Variants in ERAP2 observed in about 807,000 individuals in gnomAD.
ERAP2 encodes endoplasmic reticulum aminopeptidase 2.
ERAP2 carries 118 observed loss-of-function variants against 111.1 expected under a neutral mutation model. The ratio of observed to expected loss-of-function variants is 1.06; its 90% confidence interval spans 0.92 to 1.24. The LOEUF is 1.24. Among genes scored for constraint, ERAP2 ranks in the 50% most tolerant of loss-of-function variants. The pLI is 0.00. For synonymous variants in ERAP2, 410 were observed against 401.2 expected (o/e 1.02, Z -0.26); for missense variants, 1,131 against 1,125.8 (o/e 1.00, Z -0.07).
At chr5:96,907,633 G>T (rs1786241820) in intron 13 of ERAP2, among the ~76,000 whole-genome samples, 1 of 151,408 alleles carries the variant, frequency 6.6e-6, no homozygotes, top group Non-Finnish European at 1.5e-5. Context: ...TGTAATCCCA[G>T]CATTTTGGGA....
intron 1 of ERAP2, among the ~76,000 whole-genome samples, chr5:96,878,024 G>C (rs551654462): frequency 7.2e-4 from 110 of 152,324 alleles, no homozygotes; most frequent in African/African-American, 2.5e-3. Flanking sequence ...AGTTGGAGCA[G>C]TAAGGAAGTA....
At chr5:96,905,607 G>T (rs190915058) in intron 13 of ERAP2, among the ~76,000 whole-genome samples, 4 of 152,166 alleles carry the variant, frequency 2.6e-5, no homozygotes, top group African/African-American at 7.2e-5. Flanking sequence ...AAGGAGGCCC[G>T]GCACAGTGGC....
Position 96,918,400 on chromosome 5 carries a change from G to A in ERAP2, c.*795G>A, listed in dbSNP as rs1350482745. 1 of 151,264 alleles carries A rather than the reference G, an allele frequency of 6.6e-6. No homozygotes were observed. The highest frequency in any genetic ancestry group is 1.9e-4 in the East Asian group (1 of 5,202). 9.4% of individuals were successfully genotyped at this position (151,264 alleles called of 1,614,324 possible). On this transcript the variant is annotated 3_prime_UTR_variant, in exon 19 of 19. Transcript: ENST00000437043. ...ATGAAAGGCAAGGATCAGGAAACCA[G>A]AGACTTTGCCACCAAATCTCAGATT... is the stretch of plus-strand genomic sequence containing the variant.
At chr5:96,899,792 T>G (rs1251173004) in intron 9 of ERAP2, among the ~76,000 whole-genome samples, 1 of 152,122 alleles carries the variant, frequency 6.6e-6, no homozygotes, top group Non-Finnish European at 1.5e-5. Context: ...CAGCATGAAA[T>G]AATAAAATAG....
At chr5:96,896,212 C>T (rs1443800665) in intron 7 of ERAP2, among the ~76,000 whole-genome samples, 161 bp from the exon 8 acceptor site, 1 of 151,778 alleles carries the variant, frequency 6.6e-6, no homozygotes, top group African/African-American at 2.4e-5. Flanking sequence ...AGATGTATTC[C>T]CCTTTGGCCA....
intron 1 of ERAP2, among the ~76,000 whole-genome samples, chr5:96,877,315 C>G (rs1229128301): frequency 6.6e-6 from 1 of 152,134 alleles, no homozygotes; most frequent in Non-Finnish European, 1.5e-5. Flanking sequence ...TACTAGCTGG[C>G]CTTTACAACC....
chr5:96,895,465 T>G (rs1784786553), intron 7 of ERAP2, 106 bp downstream of exon 7: 1 of 804,768 alleles, frequency 1.2e-6, no homozygotes, highest in East Asian at 2.7e-5. Context: ...AATGTTGTGG[T>G]TTTTGAACAT....
chr5:96,884,056 ATC>A (rs1783461953), intron 3 of ERAP2, 126 bp downstream of exon 3: 1 of 619,748 alleles, frequency 1.6e-6, no homozygotes, highest in Non-Finnish European at 2.7e-6. Context: ...CTATCTATCT[ATC>A]TATCTATCTA....
chr5:96,915,942 GC>G, intron 18 of ERAP2, 173 bp downstream of exon 18: 1 of 487,856 alleles, frequency 2.0e-6, no homozygotes, highest in East Asian at 3.8e-5. Context: ...CTGACACTTG[GC>G]CAGGCACAGT....
chr5:96,898,470 G>A (rs548667177), intron 9 of ERAP2, among the ~76,000 whole-genome samples: 6 of 151,536 alleles, frequency 4.0e-5, no homozygotes, highest in Admixed American at 2.6e-4. Context: ...GGCCTGGTGC[G>A]GTGGCTCATG....
intron 5 of ERAP2, among the ~76,000 whole-genome samples, chr5:96,889,863 C>T (rs1276497604): frequency 2.0e-5 from 3 of 147,368 alleles, no homozygotes; most frequent in South Asian, 4.3e-4. Context: ...CACACACACA[C>T]GCATTGCATA....
chr5:96,888,956 A>G (rs1433541267), intron 4 of ERAP2, among the ~76,000 whole-genome samples: 1 of 152,216 alleles, frequency 6.6e-6, no homozygotes, highest in South Asian at 2.1e-4. Context: ...ACAGATGAGC[A>G]CTGAGGAAAT....
rs1242236532 is a variant in ERAP2 at position 96,919,486 on chromosome 5, G to A, written c.*1881G>A. 1 of 152,276 alleles carries A rather than the reference G, an allele frequency of 6.6e-6. No homozygotes were observed. The highest frequency in any genetic ancestry group is 1.5e-5 in the Non-Finnish European group (1 of 68,008). 9.4% of individuals were successfully genotyped at this position (152,276 alleles called of 1,614,324 possible). A position where few individuals can be genotyped will look rare whatever the true frequency, so the allele number is the denominator to read the frequency against. On this transcript the variant is annotated 3_prime_UTR_variant, in exon 19 of 19. Coordinates refer to ENST00000437043, the MANE Select transcript of ERAP2 (RefSeq NM_022350.5). ...GTAAATTAAATAGTGAAATGTGTAT[G>A]AGTTTCAGTAGAACTGTACCATCAA...
At position 96,912,757 on chromosome 5, in the gene ERAP2, G is replaced by A. The variant is rs373000463; in HGVS notation, c.2475G>A (p.Leu825=). ...CAAGTGCTGAACAAAACAAAATTCT[G>A]TATGCTTTGTCAACGAGCAAGCATC... The part of the protein sequence containing the change: ...SMSSAEQNKI[L]YALSTSKHQE... The change falls in exon 16 of 19, where the codon CTG becomes CTA. Residue 825 remains leucine (L), a synonymous_variant. Coordinates refer to ENST00000437043, the MANE Select transcript of ERAP2 (RefSeq NM_022350.5). 6.2e-7 allele frequency: 1 copy of A among 1,600,906 alleles called. No individual in the cohort carries two copies. The highest frequency in any genetic ancestry group is 8.5e-7 in the Non-Finnish European group (1 of 1,176,746).
intron 11 of ERAP2, among the ~76,000 whole-genome samples, 185 bp downstream of exon 11, chr5:96,901,866 A>G (rs1785508997): frequency 6.6e-6 from 1 of 152,214 alleles, no homozygotes; most frequent in Admixed American, 6.5e-5. Context: ...GTTCAGGAGC[A>G]CCATTCTTAG....
chr5:96,908,916 A>T lies in ERAP2; in HGVS notation c.2013-45A>T, dbSNP rs765791486. The T allele has an allele frequency of 1.2e-5, 18 of 1,546,358 alleles. No homozygotes were observed. In the East Asian group the frequency reaches 4.1e-4, roughly 35 times the overall value. ...TGTTTTAATGTTAAAAATATTAAAA[A>T]CTATAAGATATGCACAAACCACTGA... On this transcript the variant is annotated intron_variant, in intron 13 of 18. Coordinates refer to ENST00000437043, the MANE Select transcript of ERAP2 (RefSeq NM_022350.5).
chr5:96,889,101 C>T lies in ERAP2; in HGVS notation c.850-84C>T, dbSNP rs1456502863. On this transcript the variant is annotated intron_variant, in intron 4 of 18. Coordinates refer to ENST00000437043, the MANE Select transcript of ERAP2 (RefSeq NM_022350.5). ...TACTTTCTTGAAAAGATACAGTCTG[C>T]CTTTCTGTGTGAGAGGGTTATCAGG... 6.0e-6 allele frequency: 9 copies of T among 1,511,760 alleles called. No individual in the cohort carries two copies. In the African/African-American group the frequency reaches 1.1e-4, roughly 19 times the overall value. 93.6% of individuals were successfully genotyped at this position (1,511,760 alleles called of 1,614,324 possible). A position where few individuals can be genotyped will look rare whatever the true frequency, so the allele number is the denominator to read the frequency against.
intron 18 of ERAP2, among the ~76,000 whole-genome samples, chr5:96,916,640 AT>A (rs993832966): frequency 2.0e-5 from 3 of 147,180 alleles, no homozygotes; most frequent in East Asian, 2.0e-4. Context: ...ATTTTTTTGT[AT>A]TTTTTTTTAG....
intron 6 of ERAP2, among the ~76,000 whole-genome samples, chr5:96,893,614 T>C (rs1784592580): frequency 6.6e-6 from 1 of 152,236 alleles, no homozygotes; most frequent in African/African-American, 2.4e-5. Context: ...TGAGGCTCCA[T>C]GCTCCCTCTG....
Sources: gnomAD v4.1 joint callset for allele counts (sites outside exome capture counted in the v4.1 genomes callset) on GRCh38, gnomAD v4.1.1 for gene constraint, MANE v1.5 for transcripts, NCBI Gene and HGNC (gene_info 2026-07-23, HGNC 2026-07-21) for gene names.